Variants in GRHL3 observed in about 807,000 individuals in gnomAD.
GRHL3 encodes the protein grainyhead-like protein 3 homolog.
GRHL3 carries 20 observed loss-of-function variants against 70.3 expected under a neutral mutation model. That is an observed-to-expected ratio of 0.28 (90% confidence interval 0.20 to 0.41). GRHL3 has a LOEUF of 0.41. Among genes scored for constraint, GRHL3 ranks in the 10% least tolerant of loss-of-function variants. The pLI, the probability that GRHL3 is intolerant of heterozygous loss-of-function variation, is 1.00. For synonymous variants in GRHL3, 299 were observed against 299.9 expected (o/e 1.00, Z 0.03); for missense variants, 637 against 762.3 (o/e 0.84, Z 1.94).
At chr1:24,353,770 C>T (rs1159336862) in intron 15 of GRHL3, among the ~76,000 whole-genome samples, 1 of 152,214 alleles carries the variant, frequency 6.6e-6, no homozygotes, top group Non-Finnish European at 1.5e-5. Context: ...CAGGGGCCCA[C>T]AGCCATGAAG....
At position 24,355,129 on chromosome 1, in the gene GRHL3, G is replaced by A. The variant is rs1402063150; in HGVS notation, c.*641G>A. On this transcript the variant is annotated 3_prime_UTR_variant, in exon 16 of 16. Transcript: ENST00000361548. Reference sequence around the variant, plus strand: ...CATTTCTTATTTACGATTTTCATTTGTTATATATATATATAAATATACTGT... The same window carrying A: ...CATTTCTTATTTACGATTTTCATTTATTATATATATATATAAATATACTGT... 1 of 151,660 alleles carries A rather than the reference G, an allele frequency of 6.6e-6. No individual in the cohort carries two copies. Among genetic ancestry groups the A allele is most frequent in the East Asian group, 1.9e-4 (1 of 5,158 alleles). The allele number at this position is 151,660 out of a possible 1,614,324, so 9.4% of individuals were successfully genotyped here.
chr1:24,348,435 G>A (rs1241307637), intron 14 of GRHL3, among the ~76,000 whole-genome samples: 1 of 152,218 alleles, frequency 6.6e-6, no homozygotes, highest in African/African-American at 2.4e-5. Context: ...TCGGCTGCTT[G>A]TTCTCTTTAC....
At chr1:24,360,483 A>C (rs1241020033) in intron 15 of GRHL3, among the ~76,000 whole-genome samples, 4 of 152,172 alleles carry the variant, frequency 2.6e-5, no homozygotes, top group Non-Finnish European at 5.9e-5. Flanking sequence ...AATAATAAAG[A>C]AAAAGAACTT....
intron 1 of GRHL3, among the ~76,000 whole-genome samples, chr1:24,329,727 C>T (rs1382349491): frequency 2.6e-5 from 4 of 152,174 alleles, no homozygotes; most frequent in African/African-American, 7.2e-5. Flanking sequence ...TCTTAGGTCC[C>T]TAACATGGGA....
chr1:24,347,559 C>T lies in GRHL3; in HGVS notation c.1629+6C>T. 1 of 1,611,186 alleles carries T rather than the reference C, an allele frequency of 6.2e-7. No individual in the cohort carries two copies. The highest frequency in any genetic ancestry group is 1.1e-5 in the South Asian group (1 of 91,024). ...TGAAGGGGCTGAGGAATGCGGTAAG[C>T]TGCCTGTGGACCCCGCCCCCCATGG... On this transcript the variant is annotated splice_donor_region_variant and intron_variant, in intron 14 of 15. Coordinates refer to ENST00000361548, the MANE Select transcript of GRHL3 (RefSeq NM_198173.3).
rs143722822 is a variant in GRHL3 at position 24,354,890 on chromosome 1, C to G, written c.*402C>G. ...CACGCCAGCTGGTGCGGCCCCCACT[C>G]TCTGTCTTCCTTCAACTTCAGACAA... is the stretch of plus-strand genomic sequence containing the variant. On this transcript the variant is annotated 3_prime_UTR_variant, in exon 16 of 16. Coordinates refer to ENST00000361548, the MANE Select transcript of GRHL3 (RefSeq NM_198173.3). 1.3e-5 allele frequency: 2 copies of G among 159,446 alleles called. No homozygotes were observed. The highest frequency in any genetic ancestry group is 4.8e-5 in the African/African-American group (2 of 41,838). The allele number at this position is 159,446 out of a possible 1,614,324, so 9.9% of individuals were successfully genotyped here. A position where few individuals can be genotyped will look rare whatever the true frequency, so the allele number is the denominator to read the frequency against.
At chr1:24,355,788 A>T (rs1286657752), downstream of GRHL3, among the ~76,000 whole-genome samples, 1 of 152,244 alleles carries the variant, frequency 6.6e-6, no homozygotes, top group Non-Finnish European at 1.5e-5. Context: ...ATGTTGGCAC[A>T]TTGAAATCAG....
chr1:24,341,859 C>T (rs982101442), intron 8 of GRHL3, among the ~76,000 whole-genome samples: 3 of 152,252 alleles, frequency 2.0e-5, no homozygotes, highest in African/African-American at 7.2e-5. Flanking sequence ...GGTGAAAAGC[C>T]TGGGCTGTGA....
intron 15 of GRHL3, 35 bp downstream of exon 15, chr1:24,350,157 C>T (rs1640448807): frequency 6.3e-7 from 1 of 1,575,970 alleles, no homozygotes; most frequent in Non-Finnish European, 8.7e-7. Flanking sequence ...CAGCTGGTTG[C>T]TCAGTGCTGA....
intron 2 of GRHL3, among the ~76,000 whole-genome samples, 194 bp downstream of exon 2, chr1:24,331,806 A>G (rs1465281661): frequency 6.6e-6 from 1 of 152,116 alleles, no homozygotes; most frequent in African/African-American, 2.4e-5. Flanking sequence ...CTCAGCTTAA[A>G]TGTCACTTCA....
chr1:24,342,581 T>G lies in GRHL3; in HGVS notation c.1207-113T>G, dbSNP rs924327747. On this transcript the variant is annotated intron_variant, in intron 9 of 15. Coordinates refer to ENST00000361548, the MANE Select transcript of GRHL3 (RefSeq NM_198173.3). The surrounding 1 kb of genome is among the most constrained non-coding windows in gnomAD (Gnocchi z 4.8). ...ACCTTCCCATTTCCTGGTCTTGTTC[T>G]GGAAAAAAGAAGGACCAGAAGCTTG... is the stretch of plus-strand genomic sequence containing the variant. 3 of 1,048,996 alleles carry G rather than the reference T, an allele frequency of 2.9e-6. No individual in the cohort carries two copies. The African/African-American group carries it at 4.7e-5, about 16-fold the overall frequency. 65.0% of individuals were successfully genotyped at this position (1,048,996 alleles called of 1,614,324 possible).
chr1:24,347,732 G>A (rs562465736), intron 14 of GRHL3, among the ~76,000 whole-genome samples, 179 bp downstream of exon 14: 1 of 152,306 alleles, frequency 6.6e-6, no homozygotes, highest in African/African-American at 2.4e-5. Context: ...CCTCTGCGAT[G>A]TTATCTCCCA....
Position 24,334,616 on chromosome 1 carries a change from GC to G in GRHL3, c.205-28del, listed in dbSNP as rs752218105. On this transcript the variant is annotated intron_variant, in intron 2 of 15. Coordinates refer to ENST00000361548, the MANE Select transcript of GRHL3 (RefSeq NM_198173.3). The surrounding 1 kb of genome is among the most constrained non-coding windows in gnomAD (Gnocchi z 4.3). ...CTCCTACCAGCAGAAGCTTAGCCAT[GC>G]ATAAATCCTTCCTTTCTCTCTTCTC... 4 of 1,590,498 alleles carry G rather than the reference GC, an allele frequency of 2.5e-6. 1 individual carries two copies. The highest frequency in any genetic ancestry group is 3.4e-6 in the Non-Finnish European group (4 of 1,161,918).
chr1:24,364,414 C>T (rs1641322764), exon 16 of GRHL3: 1 of 1,491,982 alleles, frequency 6.7e-7, no homozygotes, highest in Non-Finnish European at 8.9e-7. Flanking sequence ...CGGCAGGTCA[C>T]ATCTGAGAGC....
chr1:24,337,215 C>A, intron 5 of GRHL3, 64 bp downstream of exon 5: 2 of 1,142,874 alleles, frequency 1.7e-6, no homozygotes, highest in East Asian at 2.4e-5. Context: ...AGACAGAGCC[C>A]CACACTGTCC....
intron 1 of GRHL3, chr1:24,323,029 A>G: frequency 1.3e-6 from 2 of 1,532,376 alleles, no homozygotes; most frequent in South Asian, 1.2e-5. Context: ...TAGCCTCTGA[A>G]AAGAAGACAG....
downstream of GRHL3, among the ~76,000 whole-genome samples, chr1:24,355,648 G>A (rs772349500): frequency 2.6e-5 from 4 of 152,228 alleles, no homozygotes; most frequent in Non-Finnish European, 5.9e-5. Context: ...AAGGCTGGGA[G>A]CCACATGACC....
At chr1:24,336,409 C>T (rs1472105196) in intron 3 of GRHL3, 73 bp from the exon 4 acceptor site, 2 of 956,328 alleles carry the variant, frequency 2.1e-6, no homozygotes, top group Non-Finnish European at 3.2e-6. Context: ...GTGTCAGTTG[C>T]CTTGCACTCT....
Position 24,323,355 on chromosome 1 carries a change from T to C in GRHL3, c.17+3787T>C, listed in dbSNP as rs1208800758. 2.0e-5 allele frequency among the ~76,000 whole-genome samples: 3 copies of C among 152,162 alleles called. No homozygotes were observed. The East Asian group carries it at 5.8e-4, about 29-fold the overall frequency. On this transcript the variant is annotated intron_variant, in intron 1 of 15. Transcript: ENST00000361548. ...AAACTGGGGGTATGGCTCAGCGTTA[T>C]GTGTTTTCACAGGCCCTCCAGGTGA... is the stretch of plus-strand genomic sequence containing the variant.
Sources: allele counts gnomAD v4.1 joint callset (sites outside exome capture counted in the v4.1 genomes callset), GRCh38; gene constraint gnomAD v4.1.1; non-coding constraint Gnocchi (gnomAD v3.1); transcripts MANE v1.5; gene names NCBI Gene and HGNC (gene_info 2026-07-23, HGNC 2026-07-21).